The following WDPCP variants were observed in gnomAD, a reference collection of about 807,000 sequenced individuals.
WDPCP encodes the protein WD repeat containing planar cell polarity effector.
In WDPCP, 71 loss-of-function variants were observed where a neutral mutation model predicts 93.1. The observed-to-expected ratio is 0.76, with a 90% confidence interval of 0.63 to 0.93. The LOEUF is 0.93. Ranked by LOEUF, WDPCP falls within the 40% of genes least tolerant of loss-of-function variation. WDPCP has a pLI of 0.00. For synonymous variants in WDPCP, 315 were observed against 315.0 expected (o/e 1.00, Z 0.00); for missense variants, 844 against 887.4 (o/e 0.95, Z 0.62).
At chr2:63,739,041 CTTTTA>C (rs1669677908) in intron 2 of WDPCP, among the ~76,000 whole-genome samples, 1 of 151,946 alleles carries the variant, frequency 6.6e-6, no homozygotes, top group African/African-American at 2.4e-5. Flanking sequence ...TGTTTTTTAA[CTTTTA>C]TTTTAGGTTT....
In WDPCP at chr2:63,174,820, G is replaced by C; in HGVS notation, c.1928C>G (p.Pro643Arg). 2 of 1,613,708 alleles carry C rather than the reference G, an allele frequency of 1.2e-6. No individual in the cohort carries two copies. The highest frequency in any genetic ancestry group is 2.7e-5 in the African/African-American group (2 of 74,968). The part of the protein sequence containing the change: ...SITSGVELLG[P>R]LDRGDMLNEA... Reference sequence around the variant, plus strand: ...ATTTAGCATATCCCCTCTGTCCAAGGGTCCCAGGAGTTCTGTTGAAAATGA... The same window carrying C: ...ATTTAGCATATCCCCTCTGTCCAAGCGTCCCAGGAGTTCTGTTGAAAATGA... The change falls in exon 15 of 18, where the codon CCC becomes CGC. Residue 643 changes from proline (P) to arginine (R), a missense_variant. Transcript: ENST00000272321.
intron 2 of WDPCP, among the ~76,000 whole-genome samples, chr2:63,698,225 A>G (rs181841798): frequency 4.9e-4 from 75 of 152,228 alleles, no homozygotes; most frequent in African/African-American, 1.7e-3. Context: ...AAAGTGCTCG[A>G]CTTTTTTAAT....
intron 10 of WDPCP, among the ~76,000 whole-genome samples, chr2:63,385,921 T>C (rs1490587849): frequency 2.6e-5 from 4 of 152,050 alleles, no homozygotes; most frequent in African/African-American, 9.7e-5. Context: ...TACAGACATT[T>C]AATTCACTAA....
intron 12 of WDPCP, among the ~76,000 whole-genome samples, chr2:63,341,852 C>A (rs1037293901): frequency 2.0e-5 from 3 of 152,040 alleles, no homozygotes; most frequent in African/African-American, 7.3e-5. Context: ...GTACAGCCAC[C>A]CCACCTCTCT....
At chr2:63,740,720 G>A (rs1399602556) in intron 2 of WDPCP, among the ~76,000 whole-genome samples, 1 of 152,106 alleles carries the variant, frequency 6.6e-6, no homozygotes, top group East Asian at 1.9e-4. Context: ...TCCTGCAGGT[G>A]ATGCTCTTCC....
chr2:63,402,189 C>T (rs908073590), intron 10 of WDPCP, among the ~76,000 whole-genome samples: 2 of 152,066 alleles, frequency 1.3e-5, no homozygotes, highest in African/African-American at 2.4e-5. Context: ...AGCTGGAAGC[C>T]GTCATCCTCA....
chr2:63,622,301 T>C, intron 3 of WDPCP: 5 of 1,601,466 alleles, frequency 3.1e-6, no homozygotes, highest in Non-Finnish European at 4.3e-6. Context: ...CTGTCTCAAG[T>C]GTTTTGGAAG....
intron 1 of WDPCP, among the ~76,000 whole-genome samples, chr2:63,558,772 A>C (rs1706340302): frequency 6.6e-6 from 1 of 150,928 alleles, no homozygotes. Context: ...ACAAGTTCTG[A>C]AATTGAGGCA....
chr2:63,246,355 T>A (rs1574972525), intron 14 of WDPCP, among the ~76,000 whole-genome samples: 2 of 152,166 alleles, frequency 1.3e-5, no homozygotes, highest in East Asian at 3.9e-4. Flanking sequence ...GGGTGATGAC[T>A]GCAAGATTTT....
intron 2 of WDPCP, among the ~76,000 whole-genome samples, chr2:63,758,925 G>T (rs1266024179): frequency 6.6e-6 from 1 of 151,988 alleles, no homozygotes; most frequent in Non-Finnish European, 1.5e-5. Flanking sequence ...TTACAGGTGT[G>T]CACCACCATG....
chr2:63,315,050 C>T lies in WDPCP; in HGVS notation c.1749-1739G>A, dbSNP rs546981872. 5.3e-5 allele frequency among the ~76,000 whole-genome samples: 8 copies of T among 152,244 alleles called. No individual in the cohort carries two copies. In the East Asian group the frequency reaches 1.3e-3, roughly 26 times the overall value. On this transcript the variant is annotated intron_variant, in intron 12 of 17. Coordinates refer to ENST00000272321, the MANE Select transcript of WDPCP (RefSeq NM_015910.7). Reference sequence around the variant, plus strand: ...GAAACAGAAATAACAAAAGGAGACTCCCAACTAGCTTGTTTATAAAATACT... The same window carrying T: ...GAAACAGAAATAACAAAAGGAGACTTCCAACTAGCTTGTTTATAAAATACT...
intron 14 of WDPCP, among the ~76,000 whole-genome samples, chr2:63,221,695 C>G (rs1436434792): frequency 2.0e-5 from 3 of 152,276 alleles, no homozygotes; most frequent in Admixed American, 6.5e-5. Context: ...CCCTCCATTT[C>G]CTGGCCTGCA....
At chr2:63,643,291 A>G in intron 3 of WDPCP, 1 of 358,780 alleles carries the variant, frequency 2.8e-6, no homozygotes, top group Non-Finnish European at 5.3e-6. Context: ...TTTGGCTGCC[A>G]GTCTCTCGTC....
At chr2:63,731,139 C>T (rs905682352) in intron 2 of WDPCP, among the ~76,000 whole-genome samples, 6 of 151,856 alleles carry the variant, frequency 4.0e-5, no homozygotes, top group African/African-American at 1.2e-4. Flanking sequence ...TGTGGTGTCA[C>T]GTGCCTGTAG....
intron 2 of WDPCP, among the ~76,000 whole-genome samples, chr2:63,796,554 G>C (rs1670620298): frequency 1.3e-5 from 2 of 152,216 alleles, no homozygotes; most frequent in African/African-American, 4.8e-5. Flanking sequence ...TGTGTGCTTG[G>C]GAGAAGGAGG....
intron 2 of WDPCP, among the ~76,000 whole-genome samples, chr2:63,805,191 A>G (rs1670746999): frequency 6.6e-6 from 1 of 152,198 alleles, no homozygotes. Context: ...ATCAAGAAGT[A>G]GATGTACTTT....
rs1027769776 is a variant in WDPCP, at chr2:63,120,813, C to T, written c.*1193G>A. On this transcript the variant is annotated 3_prime_UTR_variant, in exon 18 of 18. Transcript: ENST00000272321. ...CCTCCCAAAGTGCTGGGATTACAGG[C>T]GTGAGCCACCGTGCCTGGCCTATAG... Among the ~76,000 whole-genome samples the T allele has an allele frequency of 1.3e-5, 2 of 151,836 alleles. No individual in the cohort carries two copies. Among genetic ancestry groups the T allele is most frequent in the South Asian group, 2.1e-4 (1 of 4,820 alleles).
chr2:63,180,297 G>A (rs1674143656), intron 14 of WDPCP, among the ~76,000 whole-genome samples: 1 of 152,020 alleles, frequency 6.6e-6, no homozygotes, highest in African/African-American at 2.4e-5. Context: ...ACCACCACCT[G>A]AATAATATAC....
intron 17 of WDPCP, among the ~76,000 whole-genome samples, chr2:63,152,603 C>T (rs1481221873): frequency 6.6e-6 from 1 of 152,098 alleles, no homozygotes; most frequent in African/African-American, 2.4e-5. Context: ...CACCTATATC[C>T]CTTCTACTTT....
Sources: allele counts gnomAD v4.1 joint callset (sites outside exome capture counted in the v4.1 genomes callset), GRCh38; gene constraint gnomAD v4.1.1; transcripts MANE v1.5; gene names NCBI Gene and HGNC (gene_info 2026-07-23, HGNC 2026-07-21).